OPCML: variants seen among roughly 807,000 people sequenced by gnomAD.
The protein encoded by OPCML is opioid-binding protein/cell adhesion molecule.
In OPCML, 13 loss-of-function variants were observed where a neutral mutation model predicts 37.8. That is an observed-to-expected ratio of 0.34 (90% CI 0.22 to 0.55). The LOEUF (loss-of-function observed/expected upper bound fraction) is 0.55. Among genes scored for constraint, OPCML ranks in the 20% least tolerant of loss-of-function variants. The pLI is 0.91. For synonymous variants in OPCML, 176 were observed against 168.8 expected, an observed-to-expected ratio of 1.04 and a Z score of -0.33; for missense variants, 341 against 435.6, an observed-to-expected ratio of 0.78 and a Z score of 1.93.
Position 133,283,753 on chromosome 11 carries a change from C to T in OPCML, c.61+248511G>A, listed in dbSNP as rs140766464. ...AAATAGAAGTTGGGGGAATAGGCCC[C>T]GGTATATGAGGTTCATTTTGCTGGA... On this transcript the variant is annotated intron_variant, in intron 1 of 7. Transcript: ENST00000524381. Among the ~76,000 whole-genome samples the T allele has an allele frequency of 2.1e-3, 313 of 152,204 alleles. 1 individual carries two copies. The highest frequency in any genetic ancestry group is 9.3e-3 in the East Asian group (48 of 5,164).
chr11:132,570,580 T>G (rs532622554), intron 3 of OPCML, among the ~76,000 whole-genome samples: 2 of 151,496 alleles, frequency 1.3e-5, no homozygotes, highest in African/African-American at 4.8e-5. Context: ...AACTAGTAAA[T>G]TCAAGTAAGT....
chr11:132,943,837 G>A lies in OPCML; in HGVS notation c.62-827C>T, dbSNP rs1344968782. On this transcript the variant is annotated intron_variant, in intron 1 of 7. Transcript: ENST00000524381. The surrounding 1 kb of genome is among the most constrained non-coding windows in gnomAD (Gnocchi z 4.3). ...CTCCTCCGGGGACGCGGCACGAGACGCGGGGACGCGCGGACGCCACGCTCA... is the reference window on the plus strand; with the variant it reads ...CTCCTCCGGGGACGCGGCACGAGACACGGGGACGCGCGGACGCCACGCTCA... The A allele has an allele frequency of 2.0e-5, 3 of 150,568 alleles. No homozygotes were observed. Among genetic ancestry groups the A allele is most frequent in the Admixed American group, 6.6e-5 (1 of 15,104 alleles). 9.3% of individuals were successfully genotyped at this position (150,568 alleles called of 1,614,324 possible). A position where few individuals can be genotyped will look rare whatever the true frequency, so the allele number is the denominator to read the frequency against.
chr11:132,970,121 A>C (rs1029360890), intron 1 of OPCML, among the ~76,000 whole-genome samples: 1 of 152,158 alleles, frequency 6.6e-6, no homozygotes, highest in African/African-American at 2.4e-5. Context: ...TTTCCAGGTC[A>C]TGGTGCCCCC....
At chr11:133,247,856 G>A (rs575596791) in intron 1 of OPCML, among the ~76,000 whole-genome samples, 31 of 152,060 alleles carry the variant, frequency 2.0e-4, no homozygotes, top group African/African-American at 5.1e-4. Context: ...GTGATCACCC[G>A]CTTTGGTCTC....
At chr11:132,993,744 C>T (rs1009180161) in intron 1 of OPCML, among the ~76,000 whole-genome samples, 4 of 152,150 alleles carry the variant, frequency 2.6e-5, no homozygotes, top group East Asian at 1.9e-4. Flanking sequence ...CACCTGTAAG[C>T]GCCACTACTT....
At chr11:133,385,522 C>T (rs1945026239) in intron 1 of OPCML, among the ~76,000 whole-genome samples, 1 of 152,174 alleles carries the variant, frequency 6.6e-6, no homozygotes, top group Non-Finnish European at 1.5e-5. Context: ...CAGCCTGGTG[C>T]TGCAACCACA....
At chr11:133,495,817 T>C (rs909670553) in intron 1 of OPCML, among the ~76,000 whole-genome samples, 2 of 152,202 alleles carry the variant, frequency 1.3e-5, no homozygotes, top group Admixed American at 1.3e-4. Flanking sequence ...GTAAGATGTA[T>C]AGATTGTGAA....
chr11:133,343,010 A>T (rs996583557), intron 1 of OPCML, among the ~76,000 whole-genome samples: 48 of 152,180 alleles, frequency 3.2e-4, no homozygotes, highest in Admixed American at 2.7e-3. Flanking sequence ...TACATTTTTT[A>T]AATTTTTATA....
chr11:132,839,929 C>A (rs1357668977), intron 2 of OPCML, among the ~76,000 whole-genome samples: 1 of 152,164 alleles, frequency 6.6e-6, no homozygotes, highest in Non-Finnish European at 1.5e-5. Flanking sequence ...ATTAAGACTT[C>A]CTTCGGCTTT....
intron 4 of OPCML, among the ~76,000 whole-genome samples, chr11:132,488,416 T>C (rs2096206504): frequency 2.0e-5 from 3 of 152,218 alleles, no homozygotes; most frequent in Admixed American, 2.0e-4. Context: ...TACTACACAC[T>C]AGGCTAGATG....
At chr11:132,548,932 C>G (rs1041483088) in intron 3 of OPCML, among the ~76,000 whole-genome samples, 3 of 152,176 alleles carry the variant, frequency 2.0e-5, no homozygotes, top group African/African-American at 7.2e-5. Context: ...ATATTATCCT[C>G]ACTCCCATGA....
chr11:133,022,631 G>A (rs537788805), intron 1 of OPCML, among the ~76,000 whole-genome samples: 1 of 152,062 alleles, frequency 6.6e-6, no homozygotes, highest in Non-Finnish European at 1.5e-5. Flanking sequence ...AACCAAGGTG[G>A]AACAGAAGTC....
chr11:132,990,162 C>A (rs1402563749), intron 1 of OPCML, among the ~76,000 whole-genome samples: 1 of 152,116 alleles, frequency 6.6e-6, no homozygotes, highest in Non-Finnish European at 1.5e-5. Context: ...CGGGGTCATT[C>A]CAGAAAGATG....
intron 1 of OPCML, among the ~76,000 whole-genome samples, chr11:133,409,208 G>A (rs764319518): frequency 6.6e-6 from 1 of 152,190 alleles, no homozygotes; most frequent in African/African-American, 2.4e-5. Context: ...CACAGAGAAA[G>A]ATGACAGCTT....
chr11:133,166,863 A>G (rs764767369), intron 1 of OPCML, among the ~76,000 whole-genome samples: 1 of 152,234 alleles, frequency 6.6e-6, no homozygotes, highest in African/African-American at 2.4e-5. Flanking sequence ...TTCAATGAGT[A>G]TTGGCATTGT....
At chr11:132,606,222 C>T (rs1313102018) in intron 3 of OPCML, among the ~76,000 whole-genome samples, 2 of 152,010 alleles carry the variant, frequency 1.3e-5, no homozygotes, top group African/African-American at 4.8e-5. Context: ...TTCGTAAATC[C>T]ATCTTCAGCT....
At chr11:132,793,822 T>C (rs925495333) in intron 2 of OPCML, among the ~76,000 whole-genome samples, 13 of 152,146 alleles carry the variant, frequency 8.5e-5, no homozygotes, top group African/African-American at 3.1e-4. Context: ...GCACTAACGA[T>C]TTCCTACCTA....
chr11:132,873,624 A>G (rs557387554), intron 2 of OPCML, among the ~76,000 whole-genome samples: 1 of 152,204 alleles, frequency 6.6e-6, no homozygotes, highest in South Asian at 2.1e-4. Flanking sequence ...AGAGGAGTAA[A>G]GAGGAATAAA....
intron 1 of OPCML, among the ~76,000 whole-genome samples, chr11:133,446,339 A>T (rs964920884): frequency 3.9e-5 from 6 of 152,208 alleles, no homozygotes; most frequent in Non-Finnish European, 8.8e-5. Flanking sequence ...GTTTTAAAAA[A>T]TTCCCTTACT....
Sources: gnomAD v4.1 joint callset for allele counts (sites outside exome capture counted in the v4.1 genomes callset) on GRCh38, gnomAD v4.1.1 for gene constraint, Gnocchi (gnomAD v3.1) non-coding constraint, MANE v1.5 for transcripts, NCBI Gene and HGNC (gene_info 2026-07-23, HGNC 2026-07-21) for gene names.